The following LINGO2 variants were observed in gnomAD, a reference collection of about 807,000 sequenced individuals.
LINGO2 encodes leucine-rich repeat and immunoglobulin-like domain-containing nogo receptor-interacting protein 2.
LINGO2 carries 14 observed loss-of-function variants against 30.6 expected under a neutral mutation model. The ratio of observed to expected loss-of-function variants is 0.46; its 90% CI spans 0.30 to 0.72. LINGO2 has a LOEUF of 0.72. LINGO2 is among the 30% of genes least tolerant of loss of function. The probability of loss-of-function intolerance (pLI) is 0.07; values close to 1 mark genes in which losing one functional copy is unlikely to be tolerated. For missense variants in LINGO2, 729 were observed against 751.7 expected (o/e 0.97, Z 0.35); for synonymous variants, 317 against 288.5 (o/e 1.10, Z -1.00).
chr9:28,408,979 C>T (rs985712494), intron 2 of LINGO2, among the ~76,000 whole-genome samples: 2 of 151,960 alleles, frequency 1.3e-5, no homozygotes, highest in African/African-American at 4.8e-5. Context: ...ATTTCTCCTG[C>T]TTTAATGCCA....
the LINGO2 span, among the ~76,000 whole-genome samples, chr9:28,993,275 A>G: frequency 5.9e-5 from 9 of 152,166 alleles, no homozygotes; most frequent in African/African-American, 2.2e-4. Context: ...GAAGAAATGG[A>G]TAAATTCCTC....
chr9:28,209,156 C>T (rs1199850348), intron 4 of LINGO2, among the ~76,000 whole-genome samples: 1 of 152,004 alleles, frequency 6.6e-6, no homozygotes, highest in Admixed American at 6.6e-5. Context: ...TTCAAAGCGT[C>T]CTTTCGTGAT....
chr9:28,822,757 T>C, the LINGO2 span, among the ~76,000 whole-genome samples: 1 of 152,140 alleles, frequency 6.6e-6, no homozygotes, highest in Non-Finnish European at 1.5e-5. Flanking sequence ...TCTTAGGACC[T>C]TGAGGTTATG....
chr9:28,017,851 A>C (rs977352116), intron 4 of LINGO2, among the ~76,000 whole-genome samples: 1 of 152,204 alleles, frequency 6.6e-6, no homozygotes, highest in African/African-American at 2.4e-5. Flanking sequence ...ATTGGAAAAA[A>C]CTATTTTAAA....
intron 4 of LINGO2, among the ~76,000 whole-genome samples, chr9:28,170,015 GTTTATTA>G (rs1029357844): frequency 6.6e-6 from 1 of 152,104 alleles, no homozygotes; most frequent in African/African-American, 2.4e-5. Context: ...TGTTGCTTTT[GTTTATTA>G]TCTGCCTGAG....
chr9:28,968,908 T>C, the LINGO2 span, among the ~76,000 whole-genome samples: 8 of 152,156 alleles, frequency 5.3e-5, no homozygotes, highest in Admixed American at 6.6e-5. Flanking sequence ...TGGGTAATAA[T>C]AGTTTCTAGT....
chr9:28,974,345 G>T, the LINGO2 span, among the ~76,000 whole-genome samples: 1 of 152,156 alleles, frequency 6.6e-6, no homozygotes, highest in Non-Finnish European at 1.5e-5. Context: ...GGTGGAGGTT[G>T]CAGTGAGCCA....
chr9:29,030,987 A>C, the LINGO2 span, among the ~76,000 whole-genome samples: 1 of 152,148 alleles, frequency 6.6e-6, no homozygotes, highest in African/African-American at 2.4e-5. Context: ...ACATAAACAA[A>C]CTTGTTTCTT....
chr9:28,694,864 T>C, the LINGO2 span, among the ~76,000 whole-genome samples: 1 of 151,914 alleles, frequency 6.6e-6, no homozygotes, highest in Non-Finnish European at 1.5e-5. Flanking sequence ...TAAGTATGTG[T>C]GTCATGGTCA....
chr9:28,191,307 T>A (rs80184167), intron 4 of LINGO2, among the ~76,000 whole-genome samples: 2 of 152,182 alleles, frequency 1.3e-5, no homozygotes, highest in African/African-American at 4.8e-5. Flanking sequence ...ATAAAACTGT[T>A]TCATCATATA....
At chr9:28,200,232 T>G (rs1223890597) in intron 4 of LINGO2, among the ~76,000 whole-genome samples, 1 of 152,212 alleles carries the variant, frequency 6.6e-6, no homozygotes, top group African/African-American at 2.4e-5. Context: ...CTAAGATAGG[T>G]AACCTTGCCT....
intron 3 of LINGO2, among the ~76,000 whole-genome samples, chr9:28,336,949 T>G (rs1825610964): frequency 6.6e-6 from 1 of 151,858 alleles, no homozygotes; most frequent in Non-Finnish European, 1.5e-5. Context: ...TCTCAGTAAT[T>G]CTTTACATAG....
the LINGO2 span, among the ~76,000 whole-genome samples, chr9:28,686,786 T>C: frequency 6.6e-6 from 1 of 152,112 alleles, no homozygotes; most frequent in Non-Finnish European, 1.5e-5. Context: ...TCAGCTCTTG[T>C]TTCCTTGGCT....
intron 4 of LINGO2, among the ~76,000 whole-genome samples, chr9:28,032,053 G>A (rs1410807712): frequency 6.6e-6 from 1 of 151,410 alleles, no homozygotes. Context: ...GGGGGGGAAA[G>A]CCTCACTGGG....
intron 1 of LINGO2, among the ~76,000 whole-genome samples, chr9:28,576,391 T>A (rs1417215663): frequency 6.6e-6 from 1 of 151,916 alleles, no homozygotes; most frequent in Admixed American, 6.6e-5. Flanking sequence ...AGAACCTTCA[T>A]AAGCCAAGGA....
the LINGO2 span, among the ~76,000 whole-genome samples, chr9:29,184,096 A>G: frequency 7.9e-5 from 12 of 152,296 alleles, no homozygotes; most frequent in South Asian, 2.5e-3. Flanking sequence ...AAGTAATTGG[A>G]CAAGTATATA....
chr9:29,207,066 T>C, the LINGO2 span, among the ~76,000 whole-genome samples: 1 of 151,838 alleles, frequency 6.6e-6, no homozygotes, highest in African/African-American at 2.4e-5. Flanking sequence ...TATACATATG[T>C]ACATACATAT....
chr9:29,015,666 T>TA, the LINGO2 span, among the ~76,000 whole-genome samples: 6 of 152,072 alleles, frequency 3.9e-5, no homozygotes, highest in Non-Finnish European at 7.4e-5. Context: ...ATCTATAGAT[T>TA]AAAAAAATAT....
intron 4 of LINGO2, among the ~76,000 whole-genome samples, chr9:28,102,920 G>T (rs1826461229): frequency 6.6e-6 from 1 of 152,132 alleles, no homozygotes. Flanking sequence ...TGCAGAACTA[G>T]TATATTTCAG....
Sources: allele counts gnomAD v4.1 joint callset (sites outside exome capture counted in the v4.1 genomes callset), GRCh38; gene constraint gnomAD v4.1.1; transcripts MANE v1.5; gene names NCBI Gene and HGNC (gene_info 2026-07-23, HGNC 2026-07-21).